The following DHX57 variants were observed in gnomAD, a reference collection of about 807,000 sequenced individuals.
DHX57 encodes putative ATP-dependent RNA helicase DHX57.
In DHX57, 105 loss-of-function variants were observed where a neutral mutation model predicts 156.2. The ratio of observed to expected loss-of-function variants is 0.67; its 90% CI spans 0.57 to 0.79. The LOEUF is 0.79. DHX57 is among the 30% of genes least tolerant of loss of function. The probability of loss-of-function intolerance (pLI) is 0.00; values close to 1 mark genes in which losing one functional copy is unlikely to be tolerated. For missense variants in DHX57, 1,847 were observed against 1,661.9 expected (o/e 1.11, Z -1.94); for synonymous variants, 704 against 595.6 (o/e 1.18, Z -2.65).
intron 7 of DHX57, among the ~76,000 whole-genome samples, chr2:38,855,848 G>T (rs1309596259): frequency 6.6e-6 from 1 of 152,176 alleles, no homozygotes; most frequent in East Asian, 1.9e-4. Context: ...TGTAATCCCA[G>T]CACTTTGGGA....
intron 10 of DHX57, 79 bp downstream of exon 10, chr2:38,848,190 A>G: frequency 1.5e-6 from 2 of 1,372,422 alleles, no homozygotes; most frequent in Middle Eastern, 2.2e-4. Context: ...AGGTATAAAT[A>G]TCTACTTATG....
intron 13 of DHX57, among the ~76,000 whole-genome samples, chr2:38,831,343 C>T (rs549929990): frequency 2.8e-4 from 39 of 140,528 alleles, no homozygotes; most frequent in African/African-American, 9.2e-4. Flanking sequence ...TTTTTTGAGA[C>T]GAAGTCTCGC....
chr2:38,831,433 G>C (rs142324198), intron 13 of DHX57, among the ~76,000 whole-genome samples: 1 of 151,530 alleles, frequency 6.6e-6, no homozygotes, highest in Middle Eastern at 3.4e-3. Flanking sequence ...GGGTTCAAGC[G>C]ATTCTCCTGC....
intron 9 of DHX57, among the ~76,000 whole-genome samples, chr2:38,849,226 T>G (rs1672453706): frequency 6.6e-6 from 1 of 152,174 alleles, no homozygotes; most frequent in African/African-American, 2.4e-5. Flanking sequence ...ATGAAGCAGA[T>G]ACAAGGAATA....
At chr2:38,837,194 A>G (rs866440790) in intron 13 of DHX57, among the ~76,000 whole-genome samples, 15 of 152,154 alleles carry the variant, frequency 9.9e-5, no homozygotes, top group South Asian at 2.1e-4. Flanking sequence ...GGTAGTATCT[A>G]CTGAGCCTTA....
intron 21 of DHX57, chr2:38,811,405 G>T: frequency 1.7e-6 from 1 of 572,666 alleles, no homozygotes; most frequent in Non-Finnish European, 3.4e-6. Context: ...GAAGAGAGGG[G>T]CCCAGGAGGT....
chr2:38,861,717 C>A lies in DHX57; in HGVS notation c.693G>T (p.Lys231Asn), dbSNP rs144649956. The A allele has an allele frequency of 1.9e-6, 3 of 1,614,062 alleles. No homozygotes were observed. The highest frequency in any genetic ancestry group is 2.5e-6 in the Non-Finnish European group (3 of 1,180,030). Residue 231 changes from lysine to asparagine, a missense_variant, in exon 5 of 24, where the codon AAG (lysine) becomes AAT (asparagine). Transcript: ENST00000457308. The stretch of plus-strand genomic sequence containing the variant: ...TTATCTGGTTGACTGCCTCAGAGAT[C>A]TTCATCCTCTCTCCAAATGTCTCTG... ...CFSETFGERM[K>N]ISEAVNQISL...
rs1415384279 is a variant in DHX57 at position 38,832,548 on chromosome 2, TA to T, written c.2543-4113del. On this transcript the variant is annotated intron_variant, in intron 13 of 23. Transcript: ENST00000457308. ...ACATAGATTAATATATATATATATATATATTTTTTTTTTTAGAGACAGAGTC... is the reference window on the plus strand; with the variant it reads ...ACATAGATTAATATATATATATATATTATTTTTTTTTTTAGAGACAGAGTC... 6.4e-3 allele frequency among the ~76,000 whole-genome samples: 750 copies of T among 116,904 alleles called. 1 individual carries two copies. The highest frequency in any genetic ancestry group is 0.013 in the African/African-American group (374 of 28,938). 76.7% of individuals were successfully genotyped at this position (116,904 alleles called of 152,430 possible).
At chr2:38,837,980 A>G in intron 12 of DHX57, 33 bp from the exon 13 acceptor site, 1 of 1,321,096 alleles carries the variant, frequency 7.6e-7, no homozygotes, top group Non-Finnish European at 1.1e-6. Context: ...TGAGAAGGAT[A>G]TTTATACCTT....
At chr2:38,860,460 A>C (rs896574374) in intron 5 of DHX57, among the ~76,000 whole-genome samples, 1 of 152,108 alleles carries the variant, frequency 6.6e-6, no homozygotes, top group Non-Finnish European at 1.5e-5. Flanking sequence ...AAAAAAATAA[A>C]AATAAAAAGA....
chr2:38,874,503 G>A (rs1366507214), intron 1 of DHX57, among the ~76,000 whole-genome samples: 2 of 142,364 alleles, frequency 1.4e-5, no homozygotes, highest in Admixed American at 7.5e-5. Context: ...TCCACCTCCC[G>A]GGTTCACGCC....
rs55809581 is a variant in DHX57, at chr2:38,810,892, C to G, written c.3681+2929G>C. ...CTCCACGATGTCAATATGGCCCACG[C>G]TGTGCTTGCCTGCGACTTCATTCAG... On this transcript the variant is annotated intron_variant, in intron 21 of 23. Coordinates refer to ENST00000457308, the MANE Select transcript of DHX57 (RefSeq NM_198963.3). 2.9e-5 allele frequency: 22 copies of G among 770,598 alleles called. No individual in the cohort carries two copies. In the Middle Eastern group the frequency reaches 2.3e-3, roughly 80 times the overall value. 47.7% of individuals were successfully genotyped at this position (770,598 alleles called of 1,614,324 possible). A position where few individuals can be genotyped will look rare whatever the true frequency, so the allele number is the denominator to read the frequency against.
intron 19 of DHX57, 128 bp downstream of exon 19, chr2:38,818,749 G>A: frequency 9.2e-7 from 1 of 1,088,404 alleles, no homozygotes; most frequent in South Asian, 1.5e-5. Context: ...TACACGGCTG[G>A]TAAGGCCAAA....
At chr2:38,813,119 T>G (rs1670355457) in intron 21 of DHX57, among the ~76,000 whole-genome samples, 1 of 152,160 alleles carries the variant, frequency 6.6e-6, no homozygotes, top group South Asian at 2.1e-4. Context: ...GTGTTGGGAT[T>G]ACAGGCGTGA....
chr2:38,811,305 C>G (rs970063503), intron 21 of DHX57: 6 of 525,626 alleles, frequency 1.1e-5, no homozygotes, highest in Non-Finnish European at 2.3e-5. Flanking sequence ...CAGACCTGAT[C>G]GTTCCCCTTT....
intron 1 of DHX57, 41 bp from the exon 2 acceptor site, chr2:38,868,452 A>C: frequency 6.3e-7 from 1 of 1,584,426 alleles, no homozygotes; most frequent in Non-Finnish European, 8.6e-7. Context: ...ATAAAACCAG[A>C]CATGTATGAT....
chr2:38,812,999 C>T (rs11889280), intron 21 of DHX57, among the ~76,000 whole-genome samples: 52,090 of 151,688 alleles, frequency 0.34, 9,140 homozygotes, highest in Non-Finnish European at 0.36. Flanking sequence ...AGGCATGCAC[C>T]ACCACACCCA....
At chr2:38,849,375 C>T (rs184012613) in intron 9 of DHX57, among the ~76,000 whole-genome samples, 1 of 152,278 alleles carries the variant, frequency 6.6e-6, no homozygotes, top group Non-Finnish European at 1.5e-5. Context: ...CCCTTGCAAT[C>T]TGTTCTCAAT....
At chr2:38,872,020 C>A (rs1665381404) in intron 1 of DHX57, among the ~76,000 whole-genome samples, 1 of 152,012 alleles carries the variant, frequency 6.6e-6, no homozygotes, top group Non-Finnish European at 1.5e-5. Flanking sequence ...ATAACTCATT[C>A]TTGCTATAAC....
Sources: gnomAD v4.1 joint callset for allele counts (sites outside exome capture counted in the v4.1 genomes callset) on GRCh38, gnomAD v4.1.1 for gene constraint, MANE v1.5 for transcripts, NCBI Gene and HGNC (gene_info 2026-07-23, HGNC 2026-07-21) for gene names.